USH2A: variants seen among roughly 807,000 people sequenced by gnomAD.
The protein encoded by USH2A is usherin.
Under a neutral mutation model 538.9 loss-of-function variants are expected in USH2A, and 443 were observed. That is an observed-to-expected ratio of 0.82 (90% CI 0.76 to 0.89). The LOEUF (loss-of-function observed/expected upper bound fraction) is 0.89, where lower values mean the gene tolerates loss of function less well. Ranked by LOEUF, USH2A falls within the 40% of genes least tolerant of loss-of-function variation. The probability of loss-of-function intolerance (pLI) is 0.00; values close to 1 mark genes in which losing one functional copy is unlikely to be tolerated. For missense variants in USH2A, 6,633 were observed against 6,324.8 expected (o/e 1.05, Z -1.65); for synonymous variants, 2,413 against 2,273.5 (o/e 1.06, Z -1.75).
At chr1:215,908,355 AAC>A (rs1665690960) in intron 38 of USH2A, among the ~76,000 whole-genome samples, 1 of 151,982 alleles carries the variant, frequency 6.6e-6, no homozygotes, top group Non-Finnish European at 1.5e-5. Flanking sequence ...CAGAGCACTT[AAC>A]AAATTTTGAG....
chr1:216,283,148 A>T (rs6701944), intron 11 of USH2A, among the ~76,000 whole-genome samples: 1 of 151,872 alleles, frequency 6.6e-6, no homozygotes, highest in African/African-American at 2.4e-5. Flanking sequence ...GTGCAGTGGC[A>T]TGATCTCAGC....
chr1:215,838,024 A>G lies in USH2A; in HGVS notation c.9338T>C (p.Ile3113Thr), dbSNP rs1345373932. 1 of 1,614,030 alleles carries G rather than the reference A, an allele frequency of 6.2e-7. No homozygotes were observed. Among genetic ancestry groups the G allele is most frequent in the Admixed American group, 1.7e-5 (1 of 59,992 alleles). The stretch of plus-strand genomic sequence containing the variant: ...GATGCCACGAATTGTGGGTGTTGGT[A>G]TATCACTTGGAGTGTCTTCCACAGT... ...ITTVEDTPSD[I>T]PTPTIRGITS... The change falls in exon 47 of 72, where the codon ATA (isoleucine) becomes ACA (threonine). Residue 3113 changes from isoleucine to threonine, a missense_variant. Transcript: ENST00000307340.
intron 64 of USH2A, among the ~76,000 whole-genome samples, chr1:215,661,996 T>C (rs981121374): frequency 2.6e-5 from 4 of 152,236 alleles, no homozygotes; most frequent in African/African-American, 9.6e-5. Context: ...TTATCAACTA[T>C]AATTTAAGTC....
At chr1:216,389,590 T>C (rs1281101444) in intron 3 of USH2A, among the ~76,000 whole-genome samples, 2 of 152,174 alleles carry the variant, frequency 1.3e-5, no homozygotes, top group Non-Finnish European at 2.9e-5. Context: ...CTTCATAACC[T>C]GCTTTCTTTC....
chr1:216,262,761 C>T (rs897847493), intron 11 of USH2A, among the ~76,000 whole-genome samples: 2 of 151,942 alleles, frequency 1.3e-5, no homozygotes, highest in African/African-American at 2.4e-5. Context: ...GAAAGGTCCT[C>T]TGCAAGGCAC....
chr1:216,209,179 G>T (rs1050847539), intron 15 of USH2A, among the ~76,000 whole-genome samples: 1 of 152,198 alleles, frequency 6.6e-6, no homozygotes, highest in African/African-American at 2.4e-5. Context: ...AATGGGGACA[G>T]AACTCAGGGA....
intron 3 of USH2A, among the ~76,000 whole-genome samples, chr1:216,380,675 G>T (rs751365263): frequency 2.6e-5 from 4 of 152,030 alleles, no homozygotes; most frequent in Non-Finnish European, 4.4e-5. Context: ...ACTAATTAGA[G>T]TACTGAGCTT....
At chr1:215,999,141 T>G in intron 33 of USH2A, 83 bp from the exon 34 acceptor site, 1 of 1,190,502 alleles carries the variant, frequency 8.4e-7, no homozygotes, top group Non-Finnish European at 1.2e-6. Flanking sequence ...CATTTGAACT[T>G]GGATTTGTGA....
chr1:215,909,106 A>G (rs1298160257), intron 38 of USH2A, among the ~76,000 whole-genome samples: 1 of 151,456 alleles, frequency 6.6e-6, no homozygotes, highest in Non-Finnish European at 1.5e-5. Context: ...ATAATAATTC[A>G]TTAACTCAGC....
chr1:216,166,267 G>A (rs2034167967), intron 21 of USH2A, among the ~76,000 whole-genome samples: 1 of 151,988 alleles, frequency 6.6e-6, no homozygotes, highest in African/African-American at 2.4e-5. Flanking sequence ...ACCCGGCAAA[G>A]GTATCAATAT....
chr1:215,802,770 G>T (rs961907375), intron 49 of USH2A, among the ~76,000 whole-genome samples: 12 of 152,030 alleles, frequency 7.9e-5, no homozygotes, highest in Non-Finnish European at 1.8e-4. Context: ...AAACCCAAAA[G>T]AATTGAAAAC....
Position 216,196,809 on chromosome 1 carries a change from T to C in USH2A, c.4082-87A>G, listed in dbSNP as rs543297066. 2.9e-5 allele frequency: 42 copies of C among 1,429,950 alleles called. No individual in the cohort carries two copies. The South Asian group carries it at 4.8e-4, about 16-fold the overall frequency. 88.6% of individuals were successfully genotyped at this position (1,429,950 alleles called of 1,614,324 possible). On this transcript the variant is annotated intron_variant, in intron 18 of 71. Transcript: ENST00000307340. ...AATTTAATTCACACATTCATTTAGT[T>C]TCTGAAATACCTTTACCTTTTAAAA...
intron 51 of USH2A, among the ~76,000 whole-genome samples, chr1:215,789,168 A>C (rs1242798467): frequency 4.6e-5 from 7 of 152,216 alleles, no homozygotes; most frequent in Admixed American, 1.3e-4. Context: ...GCATGGAGAA[A>C]TATTGTCCTC....
chr1:215,890,251 C>G (rs1339926419), intron 40 of USH2A, among the ~76,000 whole-genome samples: 1 of 152,116 alleles, frequency 6.6e-6, no homozygotes, highest in East Asian at 1.9e-4. Context: ...TATTGAAAAT[C>G]TTTAAAAAAG....
At chr1:215,986,246 A>G (rs1188319524) in intron 35 of USH2A, among the ~76,000 whole-genome samples, 1 of 151,192 alleles carries the variant, frequency 6.6e-6, no homozygotes, top group African/African-American at 2.4e-5. Context: ...CAGCCTCCCA[A>G]GTAGCTGGGA....
chr1:216,075,388 G>A (rs948932818), intron 27 of USH2A, among the ~76,000 whole-genome samples: 3 of 152,148 alleles, frequency 2.0e-5, no homozygotes, highest in Non-Finnish European at 4.4e-5. Flanking sequence ...ACAACAAAAG[G>A]AGAAAGGGGA....
At chr1:215,994,599 T>C (rs900382262) in intron 34 of USH2A, among the ~76,000 whole-genome samples, 4 of 152,174 alleles carry the variant, frequency 2.6e-5, no homozygotes, top group African/African-American at 9.7e-5. Context: ...AATTGTGGCC[T>C]GAGCATGAAA....
rs779057575 is a variant in USH2A at position 215,648,742 on chromosome 1, G to T, written c.14368C>A (p.Gln4790Lys). 1.3e-5 allele frequency: 21 copies of T among 1,614,060 alleles called. No homozygotes were observed. The highest frequency in any genetic ancestry group is 8.5e-7 in the Non-Finnish European group (1 of 1,180,034). ...TVLSEGMATQ[Q>K]TLHGLQAFTN... is the part of the protein sequence containing the mutation. ...AAGGCTTGAAGGCCATGGAGAGTCT[G>T]CTGGGTGGCCATGCCTTCGGATAGC... Residue 4790 changes from glutamine (Q) to lysine (K), a missense_variant, in exon 66 of 72, where the codon CAG becomes AAG. Gln to Lys is a moderately conservative substitution (Grantham distance 53). Transcript: ENST00000307340.
intron 47 of USH2A, among the ~76,000 whole-genome samples, chr1:215,827,580 C>A (rs1663190828): frequency 6.6e-6 from 1 of 152,178 alleles, no homozygotes; most frequent in Non-Finnish European, 1.5e-5. Flanking sequence ...AATCAGAACT[C>A]ATGGCCATCA....
Sources: allele counts gnomAD v4.1 joint callset (sites outside exome capture counted in the v4.1 genomes callset), GRCh38; gene constraint gnomAD v4.1.1; transcripts MANE v1.5; gene names NCBI Gene and HGNC (gene_info 2026-07-23, HGNC 2026-07-21).